The following BTN1A1 variants were observed in gnomAD, a reference collection of about 807,000 sequenced individuals.
BTN1A1 encodes butyrophilin subfamily 1 member A1, also known as bK14H9.2 (butyrophilin, subfamily 1, member A1).
BTN1A1 carries 26 observed loss-of-function variants against 33.1 expected under a neutral mutation model. That is an observed-to-expected ratio of 0.79 (90% CI 0.58 to 1.09). BTN1A1 has a LOEUF of 1.09. BTN1A1 is among the 50% of genes least tolerant of loss of function. The pLI is 0.00. For missense variants in BTN1A1, 558 were observed against 655.7 expected (o/e 0.85, Z 1.63); for synonymous variants, 235 against 256.2 (o/e 0.92, Z 0.79).
In BTN1A1 at chr6:26,501,862, G is replaced by T; in HGVS notation, c.352G>T (p.Asp118Tyr). 1 of 1,610,076 alleles carries T rather than the reference G, an allele frequency of 6.2e-7. No homozygotes were observed. The highest frequency in any genetic ancestry group is 8.5e-7 in the Non-Finnish European group (1 of 1,177,170). ...GAGGATCCGTGGCGTCAGAGTCTCT[G>T]ACGACGGGGAGTACACGTGCTTTTT... ...ALRIRGVRVS[D>Y]DGEYTCFFRE... The change falls in exon 3 of 8, where the codon GAC becomes TAC. Residue 118 changes from aspartate to tyrosine, a missense_variant. Asp to Tyr is a radical substitution (Grantham distance 160, BLOSUM62 -3). Coordinates refer to ENST00000684113, the MANE Select transcript of BTN1A1 (RefSeq NM_001732.3). The surrounding 1 kb of genome is among the most constrained non-coding windows in gnomAD (Gnocchi z 5.2).
At chr6:26,507,739 C>A (rs564909461) in intron 5 of BTN1A1, among the ~76,000 whole-genome samples, 52 of 128,358 alleles carry the variant, frequency 4.1e-4, no homozygotes, top group Non-Finnish European at 5.7e-4. Context: ...AAATCTGATC[C>A]CAAGCCAGTT....
chr6:26,507,844 G>C lies in BTN1A1; in HGVS notation c.860-106G>C, dbSNP rs1314039743. 7 of 1,155,086 alleles carry C rather than the reference G, an allele frequency of 6.1e-6. No homozygotes were observed. In the Middle Eastern group the frequency reaches 5.9e-4, roughly 98 times the overall value. The allele number at this position is 1,155,086 out of a possible 1,614,324, so 71.6% of individuals were successfully genotyped here. A position where few individuals can be genotyped will look rare whatever the true frequency, so the allele number is the denominator to read the frequency against. On this transcript the variant is annotated intron_variant, in intron 5 of 7. Transcript: ENST00000684113. ...TTGGCAATGCTTCAATATTCAAATA[G>C]TCATGAATTAAACAGTTCCTCCTTT...
At chr6:26,505,264 C>A in intron 4 of BTN1A1, 58 bp downstream of exon 4, 1 of 1,511,624 alleles carries the variant, frequency 6.6e-7, no homozygotes. Context: ...AGCCACACCA[C>A]CTGGGACACC....
rs963288044 is a variant in BTN1A1, at chr6:26,510,379, T to C, written c.*1205T>C. The C allele has an allele frequency of 6.6e-6, 1 of 152,266 alleles. No homozygotes were observed. Among genetic ancestry groups the C allele is most frequent in the African/African-American group, 2.4e-5 (1 of 41,466 alleles). The allele number at this position is 152,266 out of a possible 1,614,324, so 9.4% of individuals were successfully genotyped here. ...TATTCTCCAGTTTCCAGGATAGACG[T>C]TGCTCATCGTCTTTACCTAATAAAT... On this transcript the variant is annotated 3_prime_UTR_variant, in exon 8 of 8. Coordinates refer to ENST00000684113, the MANE Select transcript of BTN1A1 (RefSeq NM_001732.3).
rs112422768 is a variant in BTN1A1, at chr6:26,506,315, C to T, written c.710-368C>T. Among the ~76,000 whole-genome samples, 60 of 152,150 alleles carry T rather than the reference C, an allele frequency of 3.9e-4. 1 individual carries two copies. The highest frequency in any genetic ancestry group is 1.4e-3 in the African/African-American group (57 of 41,528). On this transcript the variant is annotated intron_variant, in intron 4 of 7. Coordinates refer to ENST00000684113, the MANE Select transcript of BTN1A1 (RefSeq NM_001732.3). ...TTTCCTTATTCTTTGGTCAATGAGT[C>T]CCATTCTGTTACATACAGAGGCACA...
rs757651220 is a variant in BTN1A1 at position 26,508,851 on chromosome 6, C to T, written c.1258C>T (p.Arg420Cys). ...RTPLPLAGPP[R>C]RVGIFLDYES... ...CCCTCTCCCATTGGCAGGGCCCCCA[C>T]GCCGGGTTGGGATTTTCCTAGACTA... Residue 420 changes from arginine to cysteine, a missense_variant, in exon 8 of 8, where the codon CGC (arginine) becomes TGC (cysteine). By Grantham distance (180) the Arg-to-Cys change is radical. Coordinates refer to ENST00000684113, the MANE Select transcript of BTN1A1 (RefSeq NM_001732.3). 17 of 1,614,196 alleles carry T rather than the reference C, an allele frequency of 1.1e-5. No homozygotes were observed. The highest frequency in any genetic ancestry group is 1.4e-5 in the Non-Finnish European group (17 of 1,180,042).
In BTN1A1 at chr6:26,501,855, A is replaced by G; in HGVS notation, c.345A>G (p.Arg115=). 1.2e-6 allele frequency: 2 copies of G among 1,610,604 alleles called. No homozygotes were observed. Among genetic ancestry groups the G allele is most frequent in the Non-Finnish European group, 8.5e-7 (1 of 1,177,528 alleles). The change falls in exon 3 of 8, where the codon AGA becomes AGG. Residue 115 remains arginine, a synonymous_variant. Coordinates refer to ENST00000684113, the MANE Select transcript of BTN1A1 (RefSeq NM_001732.3). The surrounding 1 kb of genome is among the most constrained non-coding windows in gnomAD (Gnocchi z 5.2). ...GRVALRIRGV[R]VSDDGEYTCF... is the part of the protein sequence containing the mutation. Reference sequence around the variant, plus strand: ...TGGCCTTGAGGATCCGTGGCGTCAGAGTCTCTGACGACGGGGAGTACACGT... The same window carrying G: ...TGGCCTTGAGGATCCGTGGCGTCAGGGTCTCTGACGACGGGGAGTACACGT...
chr6:26,505,933 A>G (rs1216434825), intron 4 of BTN1A1, among the ~76,000 whole-genome samples: 6 of 151,748 alleles, frequency 4.0e-5, no homozygotes, highest in African/African-American at 1.5e-4. Context: ...ACTGGCCAAC[A>G]TGGTGAAACC....
chr6:26,506,812 G>T lies in BTN1A1; in HGVS notation c.839G>T (p.Arg280Met). ...TACAACGAAAGACCCAGAGAGAGGA[G>T]GAATGAATTCAGCTCTAAAGGTAAA... ...RLYNERPRER[R>M]NEFSSKERLL... is the part of the protein sequence containing the mutation. Residue 280 changes from arginine to methionine, a missense_variant, in exon 5 of 8, where the codon AGG (arginine) becomes ATG (methionine). Physicochemically the swap from Arg to Met is moderately conservative, Grantham distance 91. Transcript: ENST00000684113. 6.2e-7 allele frequency: 1 copy of T among 1,614,076 alleles called. No homozygotes were observed. The highest frequency in any genetic ancestry group is 8.5e-7 in the Non-Finnish European group (1 of 1,180,008).
chr6:26,506,898 CT>C, intron 5 of BTN1A1, 66 bp downstream of exon 5: 1 of 1,551,622 alleles, frequency 6.4e-7, no homozygotes, highest in Non-Finnish European at 8.8e-7. Flanking sequence ...GATCCAAGTC[CT>C]TTAGAATGAC....
intron 1 of BTN1A1, among the ~76,000 whole-genome samples, chr6:26,500,593 C>T (rs759498696): frequency 1.3e-5 from 2 of 152,094 alleles, no homozygotes; most frequent in African/African-American, 4.8e-5. Flanking sequence ...ATTATCATTG[C>T]CAAAAGCAAA....
chr6:26,504,340 T>C (rs868070047), intron 3 of BTN1A1, among the ~76,000 whole-genome samples: 4 of 152,074 alleles, frequency 2.6e-5, no homozygotes, highest in African/African-American at 9.7e-5. Context: ...GAGTTATTGG[T>C]CTTAGTGTTC....
chr6:26,501,519 G>A lies in BTN1A1; in HGVS notation c.80-71G>A, dbSNP rs1022451291. ...AGAGCGCGGGGCACTGCGCTTTGGC[G>A]GGAATCTGGTCGGTGTCTGTCCGTA... On this transcript the variant is annotated intron_variant, in intron 2 of 7. Transcript: ENST00000684113. This position sits in a 1 kb window ranked among gnomAD's most constrained non-coding sequence, Gnocchi z 5.2. The A allele has an allele frequency of 3.1e-6, 5 of 1,596,124 alleles. No homozygotes were observed. In the East Asian group the frequency reaches 1.1e-4, roughly 36 times the overall value.
chr6:26,501,955 G>T lies in BTN1A1; in HGVS notation c.427+18G>T. ...GGTGGCTGGTGAGTAGACGGGTTTT[G>T]ACTTTCTCCGACGACTCCCCTGCTG... On this transcript the variant is annotated intron_variant, in intron 3 of 7. Transcript: ENST00000684113. The surrounding 1 kb of genome is among the most constrained non-coding windows in gnomAD (Gnocchi z 5.2). 1 of 1,534,874 alleles carries T rather than the reference G, an allele frequency of 6.5e-7. No individual in the cohort carries two copies. The highest frequency in any genetic ancestry group is 1.3e-5 in the South Asian group (1 of 77,818).
intron 1 of BTN1A1, among the ~76,000 whole-genome samples, chr6:26,500,808 C>T (rs1379380307): frequency 6.6e-6 from 1 of 151,908 alleles, no homozygotes; most frequent in Non-Finnish European, 1.5e-5. Context: ...CCAGCTACTC[C>T]GGAGGCTGAG....
chr6:26,508,396 A>G, intron 7 of BTN1A1, 105 bp from the exon 8 acceptor site: 2 of 1,300,726 alleles, frequency 1.5e-6, no homozygotes, highest in South Asian at 2.8e-5. Context: ...CCTCCAGAAG[A>G]CCTGTCAACT....
intron 5 of BTN1A1, among the ~76,000 whole-genome samples, chr6:26,507,725 A>G (rs1208893279): frequency 6.6e-6 from 1 of 152,166 alleles, no homozygotes; most frequent in Non-Finnish European, 1.5e-5. Flanking sequence ...ATTCTATAAA[A>G]AAAAAATCTG....
intron 3 of BTN1A1, 123 bp downstream of exon 3, chr6:26,502,060 G>A: frequency 7.5e-7 from 1 of 1,341,672 alleles, no homozygotes; most frequent in Non-Finnish European, 9.6e-7. Flanking sequence ...ATGTCGCCGG[G>A]GAGGGACGAC....
At position 26,501,925 on chromosome 6, in the gene BTN1A1, C is replaced by A; in HGVS notation, c.415C>A (p.Leu139Met). The A allele has an allele frequency of 1.3e-6, 2 of 1,568,582 alleles. No homozygotes were observed. Among genetic ancestry groups the A allele is most frequent in the South Asian group, 1.2e-5 (1 of 83,742 alleles). ...AAGCTACGAAGAAGCCCTGGTGCAT[C>A]TGAAGGTGGCTGGTGAGTAGACGGG... ...DGSYEEALVHLKVAALGSDPH... is the reference protein window; with the variant it reads ...DGSYEEALVHMKVAALGSDPH... The change falls in exon 3 of 8, where the codon CTG becomes ATG. Residue 139 changes from leucine to methionine, a missense_variant. By Grantham distance (15) the Leu-to-Met change is conservative. Transcript: ENST00000684113. This position sits in a 1 kb window ranked among gnomAD's most constrained non-coding sequence, Gnocchi z 5.2.
Sources: allele counts gnomAD v4.1 joint callset (sites outside exome capture counted in the v4.1 genomes callset), GRCh38; gene constraint gnomAD v4.1.1; non-coding constraint Gnocchi (gnomAD v3.1); transcripts MANE v1.5; gene names NCBI Gene and HGNC (gene_info 2026-07-23, HGNC 2026-07-21).